The following MYO5A variants were observed in gnomAD, a reference collection of about 807,000 sequenced individuals.
MYO5A encodes the protein unconventional myosin-Va.
In MYO5A, 98 loss-of-function variants were observed where a neutral mutation model predicts 249.7. The observed-to-expected ratio is 0.39, with a 90% confidence interval of 0.33 to 0.46. MYO5A has a LOEUF of 0.46. Ranked by LOEUF, MYO5A falls within the 20% of genes least tolerant of loss-of-function variation. MYO5A has a pLI of 0.98. For missense variants in MYO5A, 1,696 were observed against 2,308.8 expected, an observed-to-expected ratio of 0.73 and a Z score of 5.44; for synonymous variants, 778 against 810.6, an observed-to-expected ratio of 0.96 and a Z score of 0.68.
intron 22 of MYO5A, among the ~76,000 whole-genome samples, chr15:52,369,421 T>A (rs1489144139): frequency 6.6e-6 from 1 of 152,202 alleles, no homozygotes; most frequent in African/African-American, 2.4e-5. Flanking sequence ...CAGCAGTACA[T>A]CTCATTACTA....
intron 9 of MYO5A, among the ~76,000 whole-genome samples, chr15:52,402,691 A>G (rs978722434): frequency 1.3e-5 from 2 of 152,110 alleles, no homozygotes; most frequent in Non-Finnish European, 2.9e-5. Context: ...CTAAAAATAC[A>G]AAAATTAGCC....
At chr15:52,441,648 C>G (rs979882075) in intron 1 of MYO5A, among the ~76,000 whole-genome samples, 1 of 152,198 alleles carries the variant, frequency 6.6e-6, no homozygotes, top group Non-Finnish European at 1.5e-5. Flanking sequence ...ATTTATTCCT[C>G]AATTCTGTGT....
intron 31 of MYO5A, among the ~76,000 whole-genome samples, chr15:52,341,858 T>TA (rs1311699578): frequency 4.6e-5 from 7 of 152,232 alleles, no homozygotes; most frequent in African/African-American, 1.4e-4. Flanking sequence ...AGCAGATGAA[T>TA]GTCTGTGTTA....
chr15:52,399,899 A>G (rs1317117216), intron 9 of MYO5A, among the ~76,000 whole-genome samples: 2 of 152,174 alleles, frequency 1.3e-5, no homozygotes, highest in African/African-American at 2.4e-5. Context: ...ATAAGTGAGA[A>G]TATGTTGTAT....
At position 52,370,271 on chromosome 15, in the gene MYO5A, C is replaced by A. The variant is rs1394525718; in HGVS notation, c.2964G>T (p.Leu988=). ...AKVATGRVLS[L]QEEIAKLRKD... The stretch of plus-strand genomic sequence containing the variant: ...TCCGGAGCTTGGCAATTTCTTCCTG[C>A]AGACTAAGGACCCGCCCAGTGGCAA... Residue 988 remains leucine (L), a synonymous_variant, in exon 22 of 42, where the codon CTG becomes CTT. Coordinates refer to ENST00000399233, the MANE Select transcript of MYO5A (RefSeq NM_001382347.1). The A allele has an allele frequency of 1.9e-6, 3 of 1,614,156 alleles. No individual in the cohort carries two copies. In the Admixed American group the frequency reaches 5.0e-5, roughly 27 times the overall value.
At chr15:52,430,244 G>A (rs553699996) in intron 2 of MYO5A, among the ~76,000 whole-genome samples, 1 of 152,304 alleles carries the variant, frequency 6.6e-6, no homozygotes, top group East Asian at 1.9e-4. Flanking sequence ...ATACACAATT[G>A]TCTGTTCTGG....
chr15:52,364,646 C>G lies in MYO5A; in HGVS notation c.3217G>C (p.Asp1073His). 2 of 1,613,858 alleles carry G rather than the reference C, an allele frequency of 1.2e-6. No individual in the cohort carries two copies. Among genetic ancestry groups the G allele is most frequent in the South Asian group, 2.2e-5 (2 of 91,064 alleles). ...ETKQLELDLN[D>H]ERLRYQNLLN... ...AGGTTCTGATATCTCAGCCTTTCAT[C>G]ATTAAGGTCGAGTTCCAGTTGTTTC... Residue 1073 changes from aspartate (D) to histidine (H), a missense_variant, in exon 24 of 42, where the codon GAT becomes CAT. Physicochemically the swap from Asp to His is moderately conservative, Grantham distance 81. Coordinates refer to ENST00000399233, the MANE Select transcript of MYO5A (RefSeq NM_001382347.1).
In MYO5A at chr15:52,315,564, G is replaced by A. The variant is rs377660646; in HGVS notation, c.5410-1361C>T. ...TAATTTTTGTATTTTTGTAGAGATG[G>A]GGTTTCACCATGTTGGCCTGGCTGG... On this transcript the variant is annotated intron_variant, in intron 40 of 41. Coordinates refer to ENST00000399233, the MANE Select transcript of MYO5A (RefSeq NM_001382347.1). 7.2e-5 allele frequency among the ~76,000 whole-genome samples: 11 copies of A among 151,996 alleles called. No individual in the cohort carries two copies. The East Asian group carries it at 2.1e-3, about 29-fold the overall frequency.
chr15:52,470,601 G>T (rs1263437558), intron 1 of MYO5A, among the ~76,000 whole-genome samples: 1 of 151,986 alleles, frequency 6.6e-6, no homozygotes, highest in Non-Finnish European at 1.5e-5. Flanking sequence ...GGTGAGCCAA[G>T]ATCGCACCAT....
intron 1 of MYO5A, among the ~76,000 whole-genome samples, chr15:52,504,195 C>T (rs536964977): frequency 3.2e-4 from 49 of 152,096 alleles, no homozygotes; most frequent in African/African-American, 1.1e-3. Flanking sequence ...TCTACACACT[C>T]ATCCTTTAAT....
chr15:52,320,379 G>T (rs766765835), intron 38 of MYO5A, among the ~76,000 whole-genome samples: 30 of 152,302 alleles, frequency 2.0e-4, no homozygotes, highest in South Asian at 4.1e-4. Flanking sequence ...GGAGATGGGG[G>T]TAAGGATTTA....
At chr15:52,409,788 C>G (rs947672065) in intron 6 of MYO5A, among the ~76,000 whole-genome samples, 1 of 152,142 alleles carries the variant, frequency 6.6e-6, no homozygotes. Context: ...TCCCACTTAC[C>G]AATCAAAAGG....
At chr15:52,323,201 T>C (rs528967236) in intron 37 of MYO5A, among the ~76,000 whole-genome samples, 154 bp downstream of exon 37, 1 of 152,362 alleles carries the variant, frequency 6.6e-6, no homozygotes, top group Non-Finnish European at 1.5e-5. Flanking sequence ...CACTGCTTCA[T>C]AGATAGTGAA....
chr15:52,397,588 G>T, intron 9 of MYO5A, 122 bp from the exon 10 acceptor site: 1 of 1,162,054 alleles, frequency 8.6e-7, no homozygotes, highest in Non-Finnish European at 1.3e-6. Flanking sequence ...CAAACACCAA[G>T]ATCACTCAAA....
chr15:52,477,401 C>T (rs1002586435), intron 1 of MYO5A, among the ~76,000 whole-genome samples: 5 of 152,198 alleles, frequency 3.3e-5, no homozygotes, highest in Admixed American at 6.5e-5. Flanking sequence ...TCTCTCAACT[C>T]GTCAAAGTCA....
At chr15:52,380,691 C>G (rs563124583) in intron 16 of MYO5A, among the ~76,000 whole-genome samples, 3 of 150,748 alleles carry the variant, frequency 2.0e-5, no homozygotes, top group African/African-American at 4.9e-5. Flanking sequence ...CGCTTGAACC[C>G]GGGAGGCAGA....
At chr15:52,448,404 A>T (rs966667886) in intron 1 of MYO5A, among the ~76,000 whole-genome samples, 3 of 152,142 alleles carry the variant, frequency 2.0e-5, no homozygotes, top group Non-Finnish European at 2.9e-5. Context: ...TACCTCCATT[A>T]TATCTTGGAA....
intron 24 of MYO5A, among the ~76,000 whole-genome samples, chr15:52,364,063 C>T (rs1207381456): frequency 6.6e-6 from 1 of 151,956 alleles, no homozygotes; most frequent in African/African-American, 2.4e-5. Flanking sequence ...ATGGTGAAAC[C>T]CCATTTCTAC....
At chr15:52,460,100 A>G (rs1160191358) in intron 1 of MYO5A, among the ~76,000 whole-genome samples, 1 of 149,244 alleles carries the variant, frequency 6.7e-6, no homozygotes, top group Non-Finnish European at 1.5e-5. Context: ...GCGGCCAGGC[A>G]GAGACGCTCC....
Sources: allele counts gnomAD v4.1 joint callset (sites outside exome capture counted in the v4.1 genomes callset), GRCh38; gene constraint gnomAD v4.1.1; transcripts MANE v1.5; gene names NCBI Gene and HGNC (gene_info 2026-07-23, HGNC 2026-07-21).